Variants in FRY observed in about 807,000 individuals in gnomAD.
The protein encoded by FRY is protein furry homolog.
In FRY, 128 loss-of-function variants were observed where a neutral mutation model predicts 348.4. That is an observed-to-expected ratio of 0.37 (90% CI 0.32 to 0.43). FRY has a LOEUF of 0.43. Ranked by LOEUF, FRY falls within the 20% of genes least tolerant of loss-of-function variation. FRY has a pLI of 1.00. For missense variants in FRY, 2,736 were observed against 3,695.2 expected (o/e 0.74, Z 6.73); for synonymous variants, 1,370 against 1,374.7 (o/e 1.00, Z 0.08).
At position 32,178,858 on chromosome 13, in the gene FRY, C is replaced by T; in HGVS notation, c.2696C>T (p.Ala899Val). ...CATATTTCTAGTAGCCCAATTAATG[C>T]CAAGAAAACCAGCACTGCCGGCAGC... ...PLVDPNSPIN[A>V]KKTSTAGSGD... The change falls in exon 22 of 61, where the codon GCC becomes GTC. Residue 899 changes from alanine to valine, a missense_variant. Transcript: ENST00000542859. 1 of 1,611,602 alleles carries T rather than the reference C, an allele frequency of 6.2e-7. No individual in the cohort carries two copies. Among genetic ancestry groups the T allele is most frequent in the South Asian group, 1.1e-5 (1 of 91,020 alleles).
intron 20 of FRY, among the ~76,000 whole-genome samples, chr13:32,177,594 GATAAATAA>G (rs71194512): frequency 7.4e-5 from 11 of 147,954 alleles, no homozygotes; most frequent in South Asian, 2.2e-4. Flanking sequence ...ACTCTGTCTC[GATAAATAA>G]ATAAATAAAT....
At chr13:32,226,345 G>A (rs1203515155) in intron 39 of FRY, among the ~76,000 whole-genome samples, 1 of 152,186 alleles carries the variant, frequency 6.6e-6, no homozygotes, top group African/African-American at 2.4e-5. Flanking sequence ...GCAGGTCACA[G>A]CCAAGGTGCC....
Position 32,194,170 on chromosome 13 carries a change from G to A in FRY, c.3619G>A (p.Val1207Ile), listed in dbSNP as rs1031977544. Residue 1207 changes from valine (V) to isoleucine (I), a missense_variant, in exon 29 of 61, where the codon GTC (valine) becomes ATC (isoleucine). By Grantham distance (29) the Val-to-Ile change is conservative. Around this residue, in one of 9 missense-constraint regions of FRY, gnomAD observed 794 missense variants for 977.0 expected, o/e 0.81. Coordinates refer to ENST00000542859, the MANE Select transcript of FRY (RefSeq NM_023037.3). ...TCATCAACTTGGCTGCGAAGTTGTT[G>A]TCTTGCTACTGGAACTTAATCCTGA... ...RVHQLGCEVV[V>I]LLLELNPDQI... 3.1e-6 allele frequency: 5 copies of A among 1,613,934 alleles called. No homozygotes were observed. Among genetic ancestry groups the A allele is most frequent in the Non-Finnish European group, 4.2e-6 (5 of 1,179,952 alleles).
chr13:32,166,000 G>A (rs1881713391), intron 17 of FRY, among the ~76,000 whole-genome samples: 1 of 152,204 alleles, frequency 6.6e-6, no homozygotes, highest in South Asian at 2.1e-4. Flanking sequence ...CATTGGCAGT[G>A]GCACACGTGG....
chr13:32,186,660 A>G (rs1883044943), intron 27 of FRY, among the ~76,000 whole-genome samples: 1 of 152,114 alleles, frequency 6.6e-6, no homozygotes, highest in Non-Finnish European at 1.5e-5. Flanking sequence ...CCCATTATAT[A>G]GCTGTCTTGT....
chr13:32,140,132 A>T (rs994733748), intron 11 of FRY, among the ~76,000 whole-genome samples: 1 of 151,938 alleles, frequency 6.6e-6, no homozygotes. Flanking sequence ...TAAGAAACAC[A>T]TGAATTATTT....
At chr13:32,048,227 G>C (rs544434666) in intron 1 of FRY, among the ~76,000 whole-genome samples, 1 of 152,066 alleles carries the variant, frequency 6.6e-6, no homozygotes, top group African/African-American at 2.4e-5. Context: ...CTAGCATGTC[G>C]CCCCTCAGTG....
intron 51 of FRY, among the ~76,000 whole-genome samples, chr13:32,255,149 G>T (rs959744444): frequency 6.6e-6 from 1 of 152,086 alleles, no homozygotes; most frequent in Admixed American, 6.5e-5. Flanking sequence ...TGCCTCATGG[G>T]ATCAAAACTC....
chr13:32,141,809 T>G (rs2138802972), intron 11 of FRY, among the ~76,000 whole-genome samples: 1 of 152,324 alleles, frequency 6.6e-6, no homozygotes, highest in Middle Eastern at 3.4e-3. Flanking sequence ...GGTAGGCATG[T>G]TATTAGATAG....
At chr13:32,133,764 C>CTTTTTTTTTTTTTTTTT (rs1259372646) in intron 8 of FRY, among the ~76,000 whole-genome samples, 17 of 108,474 alleles carry the variant, frequency 1.6e-4, no homozygotes, top group Non-Finnish European at 2.6e-4. Flanking sequence ...TTCTTTCTTT[C>CTTTTTTTTTTTTTTTTT]TTTCTTTTTT....
intron 31 of FRY, among the ~76,000 whole-genome samples, chr13:32,204,835 G>A (rs1884259818): frequency 6.6e-6 from 1 of 152,210 alleles, no homozygotes; most frequent in African/African-American, 2.4e-5. Flanking sequence ...GCTAGGCACT[G>A]TGCTTGGGTT....
At chr13:32,242,285 T>A (rs1208078140) in intron 46 of FRY, among the ~76,000 whole-genome samples, 1 of 152,214 alleles carries the variant, frequency 6.6e-6, no homozygotes, top group African/African-American at 2.4e-5. Flanking sequence ...GGATTGTGGG[T>A]ATGTTATTTA....
Position 32,178,189 on chromosome 13 carries a change from C to T in FRY, c.2434C>T (p.Leu812Phe). The change falls in exon 21 of 61, where the codon CTC becomes TTC. Residue 812 changes from leucine to phenylalanine, a missense_variant. By Grantham distance (22) the Leu-to-Phe change is conservative. Coordinates refer to ENST00000542859, the MANE Select transcript of FRY (RefSeq NM_023037.3). Reference protein sequence around the residue: ...VAVSDSATLPLTHNVDLQWLV... With the variant: ...VAVSDSATLPFTHNVDLQWLV... ...CTTATACCTACAGGCAACATTACCA[C>T]TCACCCACAATGTGGATCTGCAGTG... 1 of 1,614,240 alleles carries T rather than the reference C, an allele frequency of 6.2e-7. No homozygotes were observed. Among genetic ancestry groups the T allele is most frequent in the East Asian group, 2.2e-5 (1 of 44,890 alleles).
intron 7 of FRY, among the ~76,000 whole-genome samples, chr13:32,129,307 T>C (rs983157324): frequency 6.6e-6 from 1 of 152,206 alleles, no homozygotes; most frequent in Admixed American, 6.5e-5. Context: ...CTTCAACATA[T>C]GAATTTGAGG....
intron 1 of FRY, among the ~76,000 whole-genome samples, chr13:32,058,155 A>G (rs1225780646): frequency 6.6e-6 from 1 of 152,314 alleles, no homozygotes; most frequent in Admixed American, 6.5e-5. Context: ...TTATTTATTA[A>G]ATTTAGTTTA....
At position 32,173,518 on chromosome 13, in the gene FRY, G is replaced by A. The variant is rs769895847; in HGVS notation, c.2303G>A (p.Arg768Gln). The A allele has an allele frequency of 4.3e-6, 7 of 1,613,596 alleles. No homozygotes were observed. The highest frequency in any genetic ancestry group is 5.9e-6 in the Non-Finnish European group (7 of 1,179,928). ...KLSVLILKEI[R>Q]ALFIALGQPE... ...TCCGTTTTAATACTCAAGGAAATTC[G>A]AGCGTTGTTTATTGCCCTGGGGCAG... Residue 768 changes from arginine (R) to glutamine (Q), a missense_variant, in exon 19 of 61, where the codon CGA becomes CAA. Transcript: ENST00000542859.
At chr13:32,039,243 A>G (rs1429292295) in intron 1 of FRY, among the ~76,000 whole-genome samples, 1 of 152,200 alleles carries the variant, frequency 6.6e-6, no homozygotes, top group Non-Finnish European at 1.5e-5. Flanking sequence ...TAAGCTATTT[A>G]CCCTGGAACA....
chr13:32,182,058 C>T (rs1882749681), intron 23 of FRY, among the ~76,000 whole-genome samples: 1 of 152,156 alleles, frequency 6.6e-6, no homozygotes, highest in South Asian at 2.1e-4. Context: ...AGTTTATCTT[C>T]CTGTCTTTGG....
At chr13:32,181,701 T>C (rs1032756674) in intron 23 of FRY, among the ~76,000 whole-genome samples, 3 of 152,098 alleles carry the variant, frequency 2.0e-5, no homozygotes, top group Non-Finnish European at 4.4e-5. Flanking sequence ...TAAATACTTC[T>C]GGAGGCAGGT....
Sources: gnomAD v4.1 joint callset for allele counts (sites outside exome capture counted in the v4.1 genomes callset) on GRCh38, gnomAD v4.1.1 for gene constraint, gnomAD v4.1.1 regional missense constraint, MANE v1.5 for transcripts, NCBI Gene and HGNC (gene_info 2026-07-23, HGNC 2026-07-21) for gene names.